USP34: variants seen among roughly 807,000 people sequenced by gnomAD.
The protein encoded by USP34 is ubiquitin specific peptidase 34.
Under a neutral mutation model 460.3 loss-of-function variants are expected in USP34, and 70 were observed. The observed-to-expected ratio is 0.15, with a 90% CI of 0.13 to 0.19. The LOEUF (loss-of-function observed/expected upper bound fraction) is 0.19, where lower values mean the gene tolerates loss of function less well. Among genes scored for constraint, USP34 ranks in the 10% least tolerant of loss-of-function variants. The pLI is 1.00. For synonymous variants in USP34, 1,647 were observed against 1,405.3 expected (o/e 1.17, Z -3.85); for missense variants, 3,985 against 4,236.2 (o/e 0.94, Z 1.65).
At position 61,405,958 on chromosome 2, in the gene USP34, G is replaced by A. The variant is rs548813943; in HGVS notation, c.302C>T (p.Ala101Val). 1.4e-5 allele frequency: 23 copies of A among 1,613,034 alleles called. No homozygotes were observed. The highest frequency in any genetic ancestry group is 1.7e-4 in the Middle Eastern group (1 of 6,060). ...TCTATCTATATTCAGTGGTTCTTCTGCTTGATTACTCTCATCTTGCCACGT... is the reference window on the plus strand; with the variant it reads ...TCTATCTATATTCAGTGGTTCTTCTACTTGATTACTCTCATCTTGCCACGT... ...DSTWQDESNQ[A>V]EEPLNIDREC... The change falls in exon 3 of 80, where the codon GCA becomes GTA. Residue 101 changes from alanine to valine, a missense_variant. This residue lies in a region of USP34 where 331 missense variants were observed against 293.7 expected (regional missense o/e 1.13). Coordinates refer to ENST00000398571, the MANE Select transcript of USP34 (RefSeq NM_014709.4).
At chr2:61,296,184 C>G (rs1046898080) in intron 30 of USP34, among the ~76,000 whole-genome samples, 2 of 152,074 alleles carry the variant, frequency 1.3e-5, no homozygotes, top group Non-Finnish European at 2.9e-5. Context: ...CACTTGAGCC[C>G]TCGTGGTTGT....
At chr2:61,229,851 C>A (rs975415040) in intron 58 of USP34, among the ~76,000 whole-genome samples, 1 of 152,016 alleles carries the variant, frequency 6.6e-6, no homozygotes, top group Admixed American at 6.6e-5. Context: ...AAAAACTCAA[C>A]AAACTGTACA....
chr2:61,463,490 A>T (rs942651112), intron 1 of USP34, among the ~76,000 whole-genome samples: 36 of 152,208 alleles, frequency 2.4e-4, no homozygotes, highest in African/African-American at 8.7e-4. Context: ...TGCCAACTGA[A>T]CAGTGGTGAT....
intron 41 of USP34, among the ~76,000 whole-genome samples, chr2:61,276,998 G>A (rs988869575): frequency 1.3e-5 from 2 of 152,112 alleles, no homozygotes; most frequent in African/African-American, 4.8e-5. Context: ...CCAATGTTAA[G>A]GTAAGATGAA....
chr2:61,425,342 T>C (rs1171549740), intron 1 of USP34, among the ~76,000 whole-genome samples: 5 of 152,090 alleles, frequency 3.3e-5, no homozygotes, highest in Admixed American at 6.6e-5. Context: ...TTTAACTGCG[T>C]ATCACTGAAG....
chr2:61,195,225 T>G (rs1454091681), intron 75 of USP34, among the ~76,000 whole-genome samples: 2 of 151,642 alleles, frequency 1.3e-5, no homozygotes, highest in African/African-American at 4.8e-5. Flanking sequence ...TCAAAAAGTT[T>G]TGTAGAAATG....
chr2:61,235,414 C>T (rs1333725153), intron 57 of USP34, among the ~76,000 whole-genome samples: 1 of 151,024 alleles, frequency 6.6e-6, no homozygotes, highest in African/African-American at 2.4e-5. Context: ...CAACCTCTGC[C>T]TCCCAGGTTC....
chr2:61,201,456 G>A (rs551380489), intron 75 of USP34, among the ~76,000 whole-genome samples: 13 of 152,032 alleles, frequency 8.6e-5, no homozygotes, highest in East Asian at 5.8e-4. Flanking sequence ...CTCGTGATCC[G>A]CCCGCCTTGG....
intron 33 of USP34, among the ~76,000 whole-genome samples, chr2:61,289,930 C>G (rs945292444): frequency 6.6e-6 from 1 of 152,126 alleles, no homozygotes; most frequent in African/African-American, 2.4e-5. Context: ...CTAAAAGATG[C>G]TGTCAGTATA....
chr2:61,357,516 A>G (rs1217303342), intron 10 of USP34, among the ~76,000 whole-genome samples: 2 of 152,214 alleles, frequency 1.3e-5, no homozygotes, highest in Non-Finnish European at 2.9e-5. Context: ...AAACTTTACA[A>G]CTTAGGGAAG....
intron 5 of USP34, among the ~76,000 whole-genome samples, chr2:61,393,467 T>C (rs1693417164): frequency 6.6e-6 from 1 of 150,518 alleles, no homozygotes; most frequent in South Asian, 2.1e-4. Context: ...TTAACCTACA[T>C]GCTACACTAC....
intron 3 of USP34, among the ~76,000 whole-genome samples, chr2:61,399,275 G>A (rs1221973042): frequency 1.3e-5 from 2 of 150,924 alleles, no homozygotes; most frequent in Non-Finnish European, 1.5e-5. Context: ...CCCGGAAGGC[G>A]AAGGTTGCAG....
chr2:61,266,537 T>C (rs1040715746), intron 41 of USP34, among the ~76,000 whole-genome samples: 2 of 152,176 alleles, frequency 1.3e-5, no homozygotes, highest in African/African-American at 4.8e-5. Flanking sequence ...TAATAAATAA[T>C]AGCAACAATA....
chr2:61,285,356 G>T (rs1484914591), intron 34 of USP34, among the ~76,000 whole-genome samples: 1 of 151,874 alleles, frequency 6.6e-6, no homozygotes, highest in African/African-American at 2.4e-5. Context: ...GGTGTGTGGT[G>T]CATGTCTACA....
chr2:61,214,727 T>C (rs1444558537), intron 67 of USP34, 33 bp from the exon 68 acceptor site: 4 of 1,606,338 alleles, frequency 2.5e-6, no homozygotes, highest in Admixed American at 3.4e-5. Flanking sequence ...GTCAGATCCT[T>C]GTAAGATATA....
At chr2:61,444,840 C>T (rs895479412) in intron 1 of USP34, among the ~76,000 whole-genome samples, 1 of 151,722 alleles carries the variant, frequency 6.6e-6, no homozygotes, top group African/African-American at 2.4e-5. Flanking sequence ...TTTGGAGCAC[C>T]CCCTCCGTCT....
At chr2:61,371,409 G>C (rs1239315656) in intron 8 of USP34, among the ~76,000 whole-genome samples, 1 of 150,442 alleles carries the variant, frequency 6.6e-6, no homozygotes, top group Non-Finnish European at 1.5e-5. Context: ...CAGTCAGCAT[G>C]GGAGATGACA....
At chr2:61,385,206 G>C (rs533952295) in intron 5 of USP34, among the ~76,000 whole-genome samples, 1 of 152,194 alleles carries the variant, frequency 6.6e-6, no homozygotes, top group South Asian at 2.1e-4. Flanking sequence ...TACATAAAAA[G>C]TTGGAAAATA....
At chr2:61,358,011 C>T (rs562325912) in intron 10 of USP34, among the ~76,000 whole-genome samples, 23 of 151,726 alleles carry the variant, frequency 1.5e-4, no homozygotes, top group African/African-American at 3.1e-4. Context: ...GCCGACATGG[C>T]GAAATCCCAT....
Sources: allele counts gnomAD v4.1 joint callset (sites outside exome capture counted in the v4.1 genomes callset), GRCh38; gene constraint gnomAD v4.1.1; regional missense constraint gnomAD v4.1.1; transcripts MANE v1.5; gene names NCBI Gene and HGNC (gene_info 2026-07-23, HGNC 2026-07-21).